The following LARGE1 variants were observed in gnomAD, a reference collection of about 807,000 sequenced individuals.
The protein encoded by LARGE1 is xylosyl- and glucuronyltransferase LARGE1.
LARGE1 carries 43 observed loss-of-function variants against 87.6 expected under a neutral mutation model. That is an observed-to-expected ratio of 0.49 (90% CI 0.38 to 0.63). LARGE1 has a LOEUF of 0.63. Among genes scored for constraint, LARGE1 ranks in the 30% least tolerant of loss-of-function variants. The pLI is 0.00. For synonymous variants in LARGE1, 434 were observed against 394.6 expected, an observed-to-expected ratio of 1.10 and a Z score of -1.18; for missense variants, 802 against 1,000.2, an observed-to-expected ratio of 0.80 and a Z score of 2.67.
chr22:33,673,251 G>C (rs2081471621), intron 2 of LARGE1, among the ~76,000 whole-genome samples: 1 of 152,158 alleles, frequency 6.6e-6, no homozygotes. Context: ...CTCCAGCCTA[G>C]ACAACAAGAG....
At chr22:33,768,436 T>TCACA (rs71969164) in intron 1 of LARGE1, among the ~76,000 whole-genome samples, 4,907 of 147,542 alleles carry the variant, frequency 0.033, 108 homozygotes, top group Middle Eastern at 0.059. Context: ...ACGCGCGCGC[T>TCACA]CACACACACA....
At chr22:33,521,844 T>C (rs2071615921) in intron 6 of LARGE1, among the ~76,000 whole-genome samples, 1 of 152,170 alleles carries the variant, frequency 6.6e-6, no homozygotes, top group Non-Finnish European at 1.5e-5. Context: ...AGAAAAGAGG[T>C]TTATTTTGGC....
At chr22:33,411,850 C>T (rs990515910) in intron 7 of LARGE1, among the ~76,000 whole-genome samples, 19 of 152,116 alleles carry the variant, frequency 1.2e-4, no homozygotes, top group Non-Finnish European at 2.5e-4. Flanking sequence ...GTAGAAGACG[C>T]CCAATATTTT....
At chr22:33,543,985 A>G (rs2077284097) in intron 6 of LARGE1, among the ~76,000 whole-genome samples, 1 of 152,256 alleles carries the variant, frequency 6.6e-6, no homozygotes, top group Non-Finnish European at 1.5e-5. Context: ...CTGGGAGTCT[A>G]GAATTTTGGT....
At chr22:33,465,298 T>C (rs934334281) in intron 6 of LARGE1, among the ~76,000 whole-genome samples, 5 of 152,172 alleles carry the variant, frequency 3.3e-5, no homozygotes, top group East Asian at 3.9e-4. Flanking sequence ...ACAAAGTACA[T>C]GGAAGTGATA....
chr22:33,608,439 C>G (rs546418278), intron 4 of LARGE1, among the ~76,000 whole-genome samples: 3 of 152,146 alleles, frequency 2.0e-5, no homozygotes, highest in Non-Finnish European at 4.4e-5. Flanking sequence ...AGCACTTCCT[C>G]GTGTCTTTCT....
chr22:33,258,865 C>T lies in LARGE1; in HGVS notation c.1730+45364G>A, dbSNP rs1016704061. ...AGCACCATGTAGGCCTTGATATAAA[C>T]TTTATGTTTCTTCTTTTTTTTTTTT... is the stretch of plus-strand genomic sequence containing the variant. On this transcript the variant is annotated intron_variant, in intron 11 of 11. Coordinates refer to the LARGE1 transcript ENST00000608642. Among the ~76,000 whole-genome samples, 3 of 146,404 alleles carry T rather than the reference C, an allele frequency of 2.0e-5. No homozygotes were observed. In the South Asian group the frequency reaches 6.7e-4, roughly 33 times the overall value.
intron 1 of LARGE1, among the ~76,000 whole-genome samples, chr22:33,777,610 T>C (rs2085283772): frequency 7.3e-6 from 1 of 137,036 alleles, no homozygotes; most frequent in Non-Finnish European, 1.5e-5. Flanking sequence ...ACCACTGCAC[T>C]CCAGTCTGGG....
chr22:33,081,861 T>A, the LARGE1 span, among the ~76,000 whole-genome samples: 1 of 152,306 alleles, frequency 6.6e-6, no homozygotes, highest in South Asian at 2.1e-4. Context: ...TATGATAGAT[T>A]AATTATTTAA....
chr22:33,244,930 T>G (rs137483), intron 11 of LARGE1, among the ~76,000 whole-genome samples: 72,208 of 151,878 alleles, frequency 0.48, 20,743 homozygotes, highest in African/African-American at 0.82. Flanking sequence ...TTCATACAAG[T>G]GGACTTTAAA....
intron 4 of LARGE1, among the ~76,000 whole-genome samples, chr22:33,611,361 C>T (rs952612222): frequency 2.0e-5 from 3 of 152,242 alleles, no homozygotes; most frequent in Non-Finnish European, 4.4e-5. Flanking sequence ...GGAGCCTGCC[C>T]ATTGCACCAG....
chr22:33,131,953 C>A, the LARGE1 span, among the ~76,000 whole-genome samples: 2 of 152,006 alleles, frequency 1.3e-5, no homozygotes, highest in Admixed American at 1.3e-4. Flanking sequence ...TCACATCTTA[C>A]ATGGATGTGC....
intron 2 of LARGE1, chr22:33,725,077 A>T (rs2083228869): frequency 6.5e-6 from 1 of 153,240 alleles, no homozygotes; most frequent in South Asian, 2.1e-4. Flanking sequence ...CAGTGCGCAC[A>T]GTGAGGAGAG....
At chr22:33,233,521 A>T (rs1304023927) in intron 11 of LARGE1, among the ~76,000 whole-genome samples, 1 of 152,032 alleles carries the variant, frequency 6.6e-6, no homozygotes, top group Admixed American at 6.6e-5. Flanking sequence ...AGGATCGAAA[A>T]GTCTAGGCTG....
intron 1 of LARGE1, among the ~76,000 whole-genome samples, chr22:33,843,468 T>TAAAA (rs773485887): frequency 2.7e-5 from 4 of 149,702 alleles, no homozygotes; most frequent in Non-Finnish European, 1.5e-5. Flanking sequence ...AATAAATAAA[T>TAAAA]AAAAATAAAA....
At chr22:33,469,515 T>C (rs1410828425) in intron 6 of LARGE1, among the ~76,000 whole-genome samples, 3 of 151,982 alleles carry the variant, frequency 2.0e-5, no homozygotes, top group Non-Finnish European at 4.4e-5. Flanking sequence ...CTAGGCCCAC[T>C]TGGGTGTGGA....
chr22:33,340,554 C>T (rs1176079104), intron 9 of LARGE1, among the ~76,000 whole-genome samples: 1 of 151,900 alleles, frequency 6.6e-6, no homozygotes, highest in Admixed American at 6.6e-5. Flanking sequence ...CAAGGCAAGG[C>T]TCAGCCCAGT....
chr22:33,124,182 GC>G, the LARGE1 span, among the ~76,000 whole-genome samples: 1 of 151,952 alleles, frequency 6.6e-6, no homozygotes, highest in Non-Finnish European at 1.5e-5. Context: ...AGCTACTCGA[GC>G]GGCTGAGGCA....
chr22:33,278,301 G>A (rs1929727805), intron 13 of LARGE1, among the ~76,000 whole-genome samples: 1 of 152,170 alleles, frequency 6.6e-6, no homozygotes, highest in Non-Finnish European at 1.5e-5. Flanking sequence ...GATCTGGGAA[G>A]AGGAGAAATG....
Sources: allele counts gnomAD v4.1 joint callset (sites outside exome capture counted in the v4.1 genomes callset), GRCh38; gene constraint gnomAD v4.1.1; transcripts MANE v1.5; gene names NCBI Gene and HGNC (gene_info 2026-07-23, HGNC 2026-07-21).